SLC5A9: variants seen among roughly 807,000 people sequenced by gnomAD.
SLC5A9 encodes the protein solute carrier family 5 member 9.
A neutral mutation model predicts 70.9 loss-of-function variants in SLC5A9; 59 were observed. The ratio of observed to expected loss-of-function variants is 0.83; its 90% CI spans 0.68 to 1.03. The LOEUF is 1.03. SLC5A9 is among the 50% of genes least tolerant of loss of function. The pLI is 0.00. For missense variants in SLC5A9, 832 were observed against 881.1 expected (o/e 0.94, Z 0.71); for synonymous variants, 340 against 346.5 (o/e 0.98, Z 0.21).
intron 4 of SLC5A9, chr1:48,229,684 A>T (rs1644220567): frequency 1.7e-6 from 1 of 581,250 alleles, no homozygotes; most frequent in Non-Finnish European, 2.9e-6. Flanking sequence ...ACTCAAATAA[A>T]TCACAATCCA....
At chr1:48,229,985 A>G (rs1644224541) in intron 4 of SLC5A9, among the ~76,000 whole-genome samples, 3 of 152,242 alleles carry the variant, frequency 2.0e-5, no homozygotes, top group African/African-American at 2.4e-5. Context: ...ACAAGCATAC[A>G]CTAAAGAGAA....
chr1:48,237,803 G>A lies in SLC5A9; in HGVS notation c.1417G>A (p.Ala473Thr), dbSNP rs771834200. The A allele has an allele frequency of 3.2e-5, 51 of 1,613,888 alleles. No homozygotes were observed. Among genetic ancestry groups the A allele is most frequent in the South Asian group, 5.5e-5 (5 of 91,078 alleles). ...VTSYLAPPIT[A>T]LFLLAIFCKR... The stretch of plus-strand genomic sequence containing the variant: ...CAGTTACCTGGCCCCACCCATCACC[G>A]CTCTCTTCCTGCTGGCCATCTTCTG... Residue 473 changes from alanine to threonine, a missense_variant, in exon 11 of 14, where the codon GCT (alanine) becomes ACT (threonine). Ala to Thr is a moderately conservative substitution (Grantham distance 58, BLOSUM62 0). Coordinates refer to ENST00000438567, the MANE Select transcript of SLC5A9 (RefSeq NM_001011547.3).
intron 4 of SLC5A9, among the ~76,000 whole-genome samples, chr1:48,229,916 C>T (rs1478775757): frequency 1.3e-5 from 2 of 152,316 alleles, no homozygotes; most frequent in East Asian, 3.9e-4. Context: ...AGGCTCCTTC[C>T]ACTCTGTTAT....
chr1:48,223,718 G>T (rs79095509), intron 1 of SLC5A9, among the ~76,000 whole-genome samples: 127 of 152,260 alleles, frequency 8.3e-4, no homozygotes, highest in African/African-American at 2.5e-3. Context: ...CCCTCTCTGA[G>T]CCTCAGTTTC....
At chr1:48,232,654 AC>A in intron 8 of SLC5A9, 152 bp downstream of exon 8, 3 of 990,432 alleles carry the variant, frequency 3.0e-6, no homozygotes, top group East Asian at 2.6e-5. Flanking sequence ...GGTGGCATGC[AC>A]CCATAGACCC....
intron 10 of SLC5A9, among the ~76,000 whole-genome samples, chr1:48,237,428 C>T (rs1243920713): frequency 6.6e-6 from 1 of 151,958 alleles, no homozygotes; most frequent in East Asian, 1.9e-4. Flanking sequence ...GACCTTGAAG[C>T]CGTCTAATAT....
At chr1:48,247,069 A>T (rs547516177) in intron 13 of SLC5A9, among the ~76,000 whole-genome samples, 1 of 152,288 alleles carries the variant, frequency 6.6e-6, no homozygotes, top group East Asian at 1.9e-4. Context: ...CTCTTGAAGA[A>T]AGTGGTGCTT....
chr1:48,242,322 CCT>C, intron 12 of SLC5A9, 133 bp from the exon 13 acceptor site: 2 of 1,046,610 alleles, frequency 1.9e-6, no homozygotes, highest in Non-Finnish European at 2.8e-6. Flanking sequence ...ATCCGGGCCT[CCT>C]GACTCCCAGC....
intron 4 of SLC5A9, 67 bp downstream of exon 4, chr1:48,229,526 C>T (rs929597357): frequency 1.8e-5 from 28 of 1,580,908 alleles, no homozygotes; most frequent in Non-Finnish European, 2.3e-5. Context: ...GAGTGCATCA[C>T]CATGTGCGTG....
chr1:48,237,591 C>A, intron 10 of SLC5A9, 88 bp from the exon 11 acceptor site: 1 of 1,314,174 alleles, frequency 7.6e-7, no homozygotes, highest in Non-Finnish European at 1.1e-6. Context: ...CCTTCTTTCT[C>A]CCTTCCTGGT....
Position 48,247,591 on chromosome 1 carries a change from C to T in SLC5A9, c.*48C>T. ...TAGACAGATTAAACAAAGCCCAAGC[C>T]TGTCAGCCACAGAAACAGGCTCTCC... On this transcript the variant is annotated 3_prime_UTR_variant, in exon 14 of 14. Transcript: ENST00000438567. 6.3e-7 allele frequency: 1 copy of T among 1,578,270 alleles called. No homozygotes were observed. Among genetic ancestry groups the T allele is most frequent in the Non-Finnish European group, 8.7e-7 (1 of 1,147,864 alleles).
intron 1 of SLC5A9, among the ~76,000 whole-genome samples, chr1:48,224,326 G>C (rs1016303401): frequency 1.3e-5 from 2 of 152,232 alleles, no homozygotes; most frequent in Non-Finnish European, 2.9e-5. Context: ...TGGGAGCTCA[G>C]CTGGGAGCAG....
chr1:48,243,081 A>T (rs1375768426), intron 13 of SLC5A9, among the ~76,000 whole-genome samples: 1 of 152,148 alleles, frequency 6.6e-6, no homozygotes, highest in African/African-American at 2.4e-5. Context: ...ACAAGGGCAG[A>T]AAATCAAAGA....
At chr1:48,235,627 C>G in intron 9 of SLC5A9, 102 bp from the exon 10 acceptor site, 1 of 1,405,666 alleles carries the variant, frequency 7.1e-7, no homozygotes, top group Non-Finnish European at 9.8e-7. Context: ...CTCATCCCCA[C>G]CCCCAGCTCC....
chr1:48,235,005 T>C (rs560930266), intron 9 of SLC5A9, among the ~76,000 whole-genome samples: 1 of 152,146 alleles, frequency 6.6e-6, no homozygotes, highest in South Asian at 2.1e-4. Flanking sequence ...GTTAAATATA[T>C]GGATTTGGAA....
Position 48,224,771 on chromosome 1 carries a change from C to G in SLC5A9, c.210C>G (p.Ala70=), listed in dbSNP as rs371767173. 15 of 1,614,078 alleles carry G rather than the reference C, an allele frequency of 9.3e-6. No individual in the cohort carries two copies. The African/African-American group carries it at 1.3e-4, about 14-fold the overall frequency. The change falls in exon 2 of 14, where the codon GCC becomes GCG. Residue 70 remains alanine (A), a synonymous_variant. Transcript: ENST00000438567. ...GGACCATTGGCGGCTATTTCCTGGC[C>G]GGGAGGTCCATGAGCTGGTGGCCAG... The part of the protein sequence containing the change: ...SRGTIGGYFL[A]GRSMSWWPIG...
At position 48,231,517 on chromosome 1, in the gene SLC5A9, C is replaced by G. The variant is rs144495507; in HGVS notation, c.611-28C>G. ...AGAGAGGACCCCAAACTGGTGCTGA[C>G]TGATGAGCCCTCTCCTTGGGTCCCC... On this transcript the variant is annotated intron_variant, in intron 5 of 13. Transcript: ENST00000438567. 3.1e-6 allele frequency: 5 copies of G among 1,612,398 alleles called. No homozygotes were observed. The African/African-American group carries it at 4.0e-5, about 13-fold the overall frequency.
chr1:48,224,306 G>A (rs573054727), intron 1 of SLC5A9, among the ~76,000 whole-genome samples: 123 of 152,256 alleles, frequency 8.1e-4, no homozygotes, highest in African/African-American at 2.5e-3. Context: ...CTGTCCTCCC[G>A]CCTCCAGTGT....
chr1:48,247,120 C>T (rs172480), intron 13 of SLC5A9, among the ~76,000 whole-genome samples: 47 of 152,158 alleles, frequency 3.1e-4, no homozygotes, highest in African/African-American at 1.0e-3. Context: ...AAGATCAGAA[C>T]GTAGTCTAGA....
Sources: gnomAD v4.1 joint callset for allele counts (sites outside exome capture counted in the v4.1 genomes callset) on GRCh38, gnomAD v4.1.1 for gene constraint, MANE v1.5 for transcripts, NCBI Gene and HGNC (gene_info 2026-07-23, HGNC 2026-07-21) for gene names.